Variants in SEL1L3 observed in about 807,000 individuals in gnomAD.
SEL1L3 encodes the protein SEL1L family member 3.
A neutral mutation model predicts 142.8 loss-of-function variants in SEL1L3; 76 were observed. The ratio of observed to expected loss-of-function variants is 0.53; its 90% CI spans 0.44 to 0.64. The LOEUF is 0.64. SEL1L3 is among the 30% of genes least tolerant of loss of function. The pLI, the probability that SEL1L3 is intolerant of heterozygous loss-of-function variation, is 0.00. For missense variants in SEL1L3, 1,262 were observed against 1,381.7 expected (o/e 0.91, Z 1.37); for synonymous variants, 504 against 519.6 (o/e 0.97, Z 0.41).
At chr4:25,768,164 A>G (rs1357019743) in intron 17 of SEL1L3, among the ~76,000 whole-genome samples, 1 of 152,176 alleles carries the variant, frequency 6.6e-6, no homozygotes, top group Non-Finnish European at 1.5e-5. Context: ...GAGGAGATAA[A>G]TGGTGTTAAG....
chr4:25,858,493 C>A (rs1577707815), intron 1 of SEL1L3, among the ~76,000 whole-genome samples: 1 of 152,202 alleles, frequency 6.6e-6, no homozygotes, highest in East Asian at 1.9e-4. Flanking sequence ...AAGGCTCTGT[C>A]ACAGCCGCTG....
intron 2 of SEL1L3, among the ~76,000 whole-genome samples, chr4:25,841,831 G>A (rs1048578094): frequency 1.5e-4 from 23 of 152,134 alleles, no homozygotes; most frequent in African/African-American, 4.6e-4. Context: ...GTGGTGGCAC[G>A]TGTCTGTAAC....
At chr4:25,847,194 T>A in intron 2 of SEL1L3, 100 bp downstream of exon 2, 1 of 940,340 alleles carries the variant, frequency 1.1e-6, no homozygotes, top group Non-Finnish European at 1.6e-6. Flanking sequence ...CTTCCCTGTA[T>A]CCCCCTTCGC....
At chr4:25,801,423 A>G (rs1472455212) in intron 11 of SEL1L3, among the ~76,000 whole-genome samples, 1 of 152,136 alleles carries the variant, frequency 6.6e-6, no homozygotes, top group Non-Finnish European at 1.5e-5. Context: ...AACAACTTAT[A>G]AGAAGCAACC....
chr4:25,839,841 G>A (rs1015038513), intron 2 of SEL1L3, among the ~76,000 whole-genome samples: 2 of 152,084 alleles, frequency 1.3e-5, no homozygotes, highest in East Asian at 1.9e-4. Flanking sequence ...GAGCACTTCC[G>A]GGCAGGCATA....
intron 9 of SEL1L3, among the ~76,000 whole-genome samples, chr4:25,816,728 T>G (rs1253637513): frequency 1.3e-5 from 2 of 152,146 alleles, no homozygotes; most frequent in Admixed American, 1.3e-4. Context: ...GGATGGTGTC[T>G]GAGCTCTCGT....
chr4:25,739,041 T>C, the SEL1L3 span, among the ~76,000 whole-genome samples: 1 of 147,940 alleles, frequency 6.8e-6, no homozygotes, highest in Non-Finnish European at 1.5e-5. Context: ...CTGTCTCTAC[T>C]AAAAAAAAAA....
intron 13 of SEL1L3, among the ~76,000 whole-genome samples, chr4:25,787,270 T>C (rs1454138979): frequency 6.6e-6 from 1 of 152,228 alleles, no homozygotes; most frequent in Non-Finnish European, 1.5e-5. Context: ...GAGGATTTAA[T>C]GCACTAATAC....
chr4:25,831,557 A>T (rs1408538513), intron 5 of SEL1L3, among the ~76,000 whole-genome samples: 1 of 148,516 alleles, frequency 6.7e-6, no homozygotes, highest in East Asian at 2.0e-4. Flanking sequence ...ACAGAGTCTC[A>T]CTCTGTTGCC....
chr4:25,778,256 A>G (rs1185370864), intron 16 of SEL1L3, among the ~76,000 whole-genome samples: 1 of 152,304 alleles, frequency 6.6e-6, no homozygotes, highest in East Asian at 1.9e-4. Context: ...ACCCATAATG[A>G]TGACAGTTAA....
the SEL1L3 span, chr4:25,720,134 A>G: frequency 6.6e-6 from 1 of 152,172 alleles, no homozygotes; most frequent in East Asian, 1.9e-4. Flanking sequence ...GCTCATTCAT[A>G]AGTCAAGCCT....
intron 6 of SEL1L3, among the ~76,000 whole-genome samples, chr4:25,828,389 C>CA (rs1715225980): frequency 1.4e-5 from 2 of 147,446 alleles, no homozygotes; most frequent in African/African-American, 5.1e-5. Context: ...CTTATCTTTT[C>CA]GTTTTTTTTT....
downstream of SEL1L3, among the ~76,000 whole-genome samples, chr4:25,744,839 G>A (rs921593231): frequency 6.6e-6 from 1 of 152,206 alleles, no homozygotes; most frequent in Non-Finnish European, 1.5e-5. Flanking sequence ...GACACCGAAA[G>A]GTGACGGCCA....
chr4:25,810,221 A>G (rs2109237888), intron 9 of SEL1L3, among the ~76,000 whole-genome samples: 1 of 152,306 alleles, frequency 6.6e-6, no homozygotes, highest in South Asian at 2.1e-4. Context: ...AAAGGAATAA[A>G]TAGGCCTGGC....
Position 25,792,973 on chromosome 4 carries a change from G to A in SEL1L3, c.1957-2399C>T, listed in dbSNP as rs183743565. 3.9e-5 allele frequency among the ~76,000 whole-genome samples: 6 copies of A among 152,294 alleles called. No individual in the cohort carries two copies. The East Asian group carries it at 1.2e-3, about 29-fold the overall frequency. On this transcript the variant is annotated intron_variant, in intron 11 of 23. Transcript: ENST00000399878. ...GTGATTGATATTCTTAGGTCTTTCTGTCAGTGATATTTCATAAGAACCATC... is the reference window on the plus strand; with the variant it reads ...GTGATTGATATTCTTAGGTCTTTCTATCAGTGATATTTCATAAGAACCATC...
intron 21 of SEL1L3, among the ~76,000 whole-genome samples, chr4:25,758,088 G>A (rs1718117778): frequency 6.6e-6 from 1 of 152,182 alleles, no homozygotes; most frequent in Non-Finnish European, 1.5e-5. Flanking sequence ...TAAAATAAAA[G>A]TCAAGCAAGA....
At position 25,837,140 on chromosome 4, in the gene SEL1L3, T is replaced by C. The variant is rs541919669; in HGVS notation, c.734-1817A>G. 1.1e-4 allele frequency among the ~76,000 whole-genome samples: 17 copies of C among 151,392 alleles called. No homozygotes were observed. The East Asian group carries it at 3.3e-3, about 29-fold the overall frequency. Reference sequence around the variant, plus strand: ...ACTTGCTGGTCTATGACGGGGGTGGTGAGAGGGGTGAGAAATGGAAGTACT... The same window carrying C: ...ACTTGCTGGTCTATGACGGGGGTGGCGAGAGGGGTGAGAAATGGAAGTACT... On this transcript the variant is annotated intron_variant, in intron 2 of 23. Transcript: ENST00000399878.
chr4:25,819,997 C>T, intron 7 of SEL1L3, 57 bp from the exon 8 acceptor site: 1 of 1,540,246 alleles, frequency 6.5e-7, no homozygotes, highest in Non-Finnish European at 8.8e-7. Flanking sequence ...ATCCATCCAC[C>T]TCTAGGAGGA....
intron 23 of SEL1L3, chr4:25,756,646 G>C: frequency 2.0e-6 from 2 of 1,008,932 alleles, no homozygotes; most frequent in African/African-American, 3.4e-5. Context: ...CCAAACAGAA[G>C]CAAGCAGGGC....
Sources: gnomAD v4.1 joint callset for allele counts (sites outside exome capture counted in the v4.1 genomes callset) on GRCh38, gnomAD v4.1.1 for gene constraint, MANE v1.5 for transcripts, NCBI Gene and HGNC (gene_info 2026-07-23, HGNC 2026-07-21) for gene names.